ZNF236: variants seen among roughly 807,000 people sequenced by gnomAD.
ZNF236 encodes the protein zinc finger protein 236.
Under a neutral mutation model 191.2 loss-of-function variants are expected in ZNF236, and 50 were observed. The observed-to-expected ratio is 0.26, with a 90% CI of 0.21 to 0.33. ZNF236 has a LOEUF of 0.33. Ranked by LOEUF, ZNF236 falls within the 10% of genes least tolerant of loss-of-function variation. ZNF236 has a pLI of 1.00. For synonymous variants in ZNF236, 907 were observed against 928.8 expected (o/e 0.98, Z 0.43); for missense variants, 1,754 against 2,374.5 (o/e 0.74, Z 5.43).
chr18:76,824,375 G>A (rs762569991), intron 1 of ZNF236: 5 of 780,994 alleles, frequency 6.4e-6, no homozygotes, highest in African/African-American at 3.4e-5. Context: ...TTTGTGGGCT[G>A]CTGGAGAGAT....
At chr18:76,910,932 C>T in intron 16 of ZNF236, 121 bp downstream of exon 16, 1 of 1,085,710 alleles carries the variant, frequency 9.2e-7, no homozygotes. Context: ...CTTCTTGTAG[C>T]ATTAAGGTTA....
chr18:76,848,009 C>T (rs12607778), intron 1 of ZNF236, among the ~76,000 whole-genome samples: 51,390 of 152,040 alleles, frequency 0.34, 8,993 homozygotes, highest in East Asian at 0.51. Context: ...CAAGGTTCTG[C>T]GGAATAATGT....
chr18:76,879,369 C>G (rs1409725768), intron 7 of ZNF236, among the ~76,000 whole-genome samples: 1 of 152,170 alleles, frequency 6.6e-6, no homozygotes, highest in Non-Finnish European at 1.5e-5. Flanking sequence ...TGCTCAGTTT[C>G]CCACATTTCT....
Position 76,827,776 on chromosome 18 carries a change from G to A in ZNF236, c.55+5114G>A, listed in dbSNP as rs76214504. Among the ~76,000 whole-genome samples the A allele has an allele frequency of 1.1e-3, 173 of 152,322 alleles. 2 individuals are homozygous for A. Among genetic ancestry groups the A allele is most frequent in the Admixed American group, 2.4e-3 (36 of 15,300 alleles). On this transcript the variant is annotated intron_variant, in intron 1 of 30. Coordinates refer to ENST00000320610, the MANE Select transcript of ZNF236 (RefSeq NM_001306089.2). ...GGGCAGCATTCATTCAGCACTTGAT[G>A]TGTCCCTGGCACTATCCTGGGGATA...
intron 1 of ZNF236, among the ~76,000 whole-genome samples, chr18:76,845,980 G>A (rs555516559): frequency 4.1e-4 from 62 of 152,320 alleles, no homozygotes; most frequent in African/African-American, 1.4e-3. Context: ...AGAGACCCCT[G>A]CACAATGGAG....
In ZNF236 at chr18:76,919,560, C is replaced by T. The variant is rs1054878982; in HGVS notation, c.3275-216C>T. On this transcript the variant is annotated intron_variant, in intron 19 of 30. Coordinates refer to ENST00000320610, the MANE Select transcript of ZNF236 (RefSeq NM_001306089.2). The surrounding 1 kb of genome is among the most constrained non-coding windows in gnomAD (Gnocchi z 5.3). ...CCTTCACCAACCTCTGTTCATCCCC[C>T]GCCCCCCACTTTCCAGTACACTTGG... Among the ~76,000 whole-genome samples, 7 of 152,112 alleles carry T rather than the reference C, an allele frequency of 4.6e-5. No homozygotes were observed. Among genetic ancestry groups the T allele is most frequent in the African/African-American group, 9.7e-5 (4 of 41,400 alleles).
At chr18:76,924,200 T>C (rs988826212) in intron 21 of ZNF236, among the ~76,000 whole-genome samples, 1 of 152,172 alleles carries the variant, frequency 6.6e-6, no homozygotes, top group African/African-American at 2.4e-5. Flanking sequence ...AGTGAACTTT[T>C]TGTGGATATG....
intron 1 of ZNF236, chr18:76,840,774 C>CGTGTGT (rs1975463143): frequency 2.5e-5 from 1 of 39,728 alleles, no homozygotes; most frequent in Non-Finnish European, 4.6e-5. Context: ...GTCTTTATAA[C>CGTGTGT]CTGTGTGTGT....
intron 20 of ZNF236, among the ~76,000 whole-genome samples, chr18:76,920,696 G>A (rs1221970952): frequency 6.6e-6 from 1 of 152,220 alleles, no homozygotes; most frequent in Non-Finnish European, 1.5e-5. Flanking sequence ...AGCAGCAGGC[G>A]CCCTCCTGCC....
chr18:76,888,791 C>G (rs559190888), intron 9 of ZNF236: 1 of 152,426 alleles, frequency 6.6e-6, no homozygotes, highest in South Asian at 2.1e-4. Context: ...GAAGAACCCA[C>G]AGATGTTTCT....
chr18:76,916,216 C>T (rs924790295), intron 19 of ZNF236, among the ~76,000 whole-genome samples: 3 of 152,094 alleles, frequency 2.0e-5, no homozygotes, highest in African/African-American at 7.2e-5. Context: ...AATTTTTTGT[C>T]TACTGAAGTT....
intron 25 of ZNF236, among the ~76,000 whole-genome samples, chr18:76,934,130 C>G (rs930520743): frequency 6.6e-6 from 1 of 152,172 alleles, no homozygotes; most frequent in Non-Finnish European, 1.5e-5. Flanking sequence ...TCATCAGCTT[C>G]TAGGTTAACT....
chr18:76,960,965 G>T lies in ZNF236; in HGVS notation c.5419+110G>T, dbSNP rs141473418. ...ACACAGTGATTTTGCATTGCACGTG[G>T]TACAGCCTCAGTTGTGTGGACTGGA... is the stretch of plus-strand genomic sequence containing the variant. On this transcript the variant is annotated intron_variant, in intron 30 of 30. Coordinates refer to ENST00000320610, the MANE Select transcript of ZNF236 (RefSeq NM_001306089.2). The surrounding 1 kb of genome is among the most constrained non-coding windows in gnomAD (Gnocchi z 4.4). 2,092 of 1,220,796 alleles carry T rather than the reference G, an allele frequency of 1.7e-3. 3 individuals are homozygous for T. The highest frequency in any genetic ancestry group is 5.4e-3 in the Middle Eastern group (19 of 3,520). 75.6% of individuals were successfully genotyped at this position (1,220,796 alleles called of 1,614,324 possible). A position where few individuals can be genotyped will look rare whatever the true frequency, so the allele number is the denominator to read the frequency against.
In ZNF236 at chr18:76,927,274, C is replaced by T. The variant is rs1302627570; in HGVS notation, c.4174-3C>T. On this transcript the variant is annotated splice_polypyrimidine_tract_variant and splice_region_variant and intron_variant, in intron 23 of 30. Transcript: ENST00000320610. This position sits in a 1 kb window ranked among gnomAD's most constrained non-coding sequence, Gnocchi z 5.4. The stretch of plus-strand genomic sequence containing the variant: ...CATTACAAGTACCTGTGCTGCTTTT[C>T]AGATTGATCCAAGCATTCTGCAGCA... 3 of 1,613,888 alleles carry T rather than the reference C, an allele frequency of 1.9e-6. No homozygotes were observed. The highest frequency in any genetic ancestry group is 1.3e-5 in the African/African-American group (1 of 74,920).
At position 76,897,037 on chromosome 18, in the gene ZNF236, C is replaced by T. The variant is rs73487102; in HGVS notation, c.1690+1752C>T. ...TGCACACAGGTACCAAACAGTACTG[C>T]CCACAGGTACTGCACACAATACCCA... is the stretch of plus-strand genomic sequence containing the variant. On this transcript the variant is annotated intron_variant, in intron 10 of 30. Transcript: ENST00000320610. Among the ~76,000 whole-genome samples, 1,237 of 151,940 alleles carry T rather than the reference C, an allele frequency of 8.1e-3. 16 individuals carry two copies. The highest frequency in any genetic ancestry group is 0.028 in the African/African-American group (1,159 of 41,392).
At chr18:76,867,501 C>G (rs993425001) in intron 3 of ZNF236, among the ~76,000 whole-genome samples, 5 of 151,958 alleles carry the variant, frequency 3.3e-5, no homozygotes, top group African/African-American at 1.2e-4. Context: ...ATTTACAAGA[C>G]TAGTATATGC....
At chr18:76,905,509 A>T (rs1977713785) in intron 13 of ZNF236, 94 bp downstream of exon 13, 1 of 1,281,402 alleles carries the variant, frequency 7.8e-7, no homozygotes, top group Non-Finnish European at 1.1e-6. Flanking sequence ...TTTGATTCTT[A>T]CATTATTATT....
intron 26 of ZNF236, among the ~76,000 whole-genome samples, chr18:76,938,346 C>T (rs1435304241): frequency 3.3e-5 from 5 of 152,146 alleles, no homozygotes; most frequent in Non-Finnish European, 5.9e-5. Flanking sequence ...GCCATGATTG[C>T]ACCACTGCAC....
chr18:76,958,988 C>T (rs1197409780), intron 28 of ZNF236, among the ~76,000 whole-genome samples: 1 of 152,216 alleles, frequency 6.6e-6, no homozygotes, highest in African/African-American at 2.4e-5. Flanking sequence ...TATGCTTCTG[C>T]AATTTTGGAA....
Sources: allele counts gnomAD v4.1 joint callset (sites outside exome capture counted in the v4.1 genomes callset), GRCh38; gene constraint gnomAD v4.1.1; non-coding constraint Gnocchi (gnomAD v3.1); transcripts MANE v1.5; gene names NCBI Gene and HGNC (gene_info 2026-07-23, HGNC 2026-07-21).